ANKS1B: variants seen among roughly 807,000 people sequenced by gnomAD.
The protein encoded by ANKS1B is ankyrin repeat and sterile alpha motif domain-containing protein 1B.
ANKS1B carries 36 observed loss-of-function variants against 148.3 expected under a neutral mutation model. The ratio of observed to expected loss-of-function variants is 0.24; its 90% confidence interval spans 0.19 to 0.32. The LOEUF is 0.32. ANKS1B is among the 10% of genes least tolerant of loss of function. ANKS1B has a pLI of 1.00. For missense variants in ANKS1B, 1,157 were observed against 1,542.6 expected (o/e 0.75, Z 4.19); for synonymous variants, 542 against 560.8 (o/e 0.97, Z 0.47).
intron 12 of ANKS1B, among the ~76,000 whole-genome samples, chr12:99,264,655 T>G (rs1394299667): frequency 6.6e-6 from 1 of 152,154 alleles, no homozygotes; most frequent in Non-Finnish European, 1.5e-5. Context: ...AAAACGAGCC[T>G]TCTCTTTTGA....
At chr12:99,890,410 G>A (rs2093032651) in intron 1 of ANKS1B, among the ~76,000 whole-genome samples, 1 of 152,168 alleles carries the variant, frequency 6.6e-6, no homozygotes, top group Non-Finnish European at 1.5e-5. Context: ...TGGCTTTCCA[G>A]CCTGCCTGGC....
At chr12:99,103,571 TTAAA>T (rs1235712987) in intron 15 of ANKS1B, among the ~76,000 whole-genome samples, 4 of 152,218 alleles carry the variant, frequency 2.6e-5, no homozygotes, top group Non-Finnish European at 5.9e-5. Context: ...ATAAGCTAAT[TTAAA>T]TACTTCTTAA....
At chr12:99,182,107 T>C (rs1312845089) in intron 14 of ANKS1B, among the ~76,000 whole-genome samples, 1 of 152,114 alleles carries the variant, frequency 6.6e-6, no homozygotes, top group African/African-American at 2.4e-5. Flanking sequence ...TCAGGAAACT[T>C]ATAATCATGG....
At chr12:99,615,448 C>T (rs2097947707) in intron 9 of ANKS1B, among the ~76,000 whole-genome samples, 1 of 152,098 alleles carries the variant, frequency 6.6e-6, no homozygotes, top group Non-Finnish European at 1.5e-5. Flanking sequence ...GAATCTAGCC[C>T]TGTAGCTAAA....
At chr12:99,082,157 G>A (rs80074742) in intron 16 of ANKS1B, among the ~76,000 whole-genome samples, 9 of 152,266 alleles carry the variant, frequency 5.9e-5, no homozygotes, top group South Asian at 2.1e-4. Context: ...GAATAAGACA[G>A]TCAAGGTCCC....
intron 2 of ANKS1B, among the ~76,000 whole-genome samples, chr12:99,819,567 T>C (rs2082268024): frequency 6.6e-6 from 1 of 151,836 alleles, no homozygotes; most frequent in South Asian, 2.1e-4. Context: ...AAATATCTTA[T>C]GTGTATATAA....
chr12:99,471,142 T>C (rs2096235417), intron 10 of ANKS1B, among the ~76,000 whole-genome samples: 1 of 152,096 alleles, frequency 6.6e-6, no homozygotes, highest in Non-Finnish European at 1.5e-5. Context: ...TAAAGCATCT[T>C]TCCTCTTTTT....
intron 17 of ANKS1B, among the ~76,000 whole-genome samples, chr12:99,043,638 T>A (rs946491381): frequency 2.0e-5 from 3 of 152,220 alleles, no homozygotes; most frequent in African/African-American, 7.2e-5. Flanking sequence ...CAATTTAGCA[T>A]AATACATTTC....
At chr12:99,126,211 G>T (rs1034784185) in intron 15 of ANKS1B, among the ~76,000 whole-genome samples, 5 of 152,100 alleles carry the variant, frequency 3.3e-5, no homozygotes, top group Non-Finnish European at 7.4e-5. Context: ...GGCTGGTCTA[G>T]GTATCTGCTT....
intron 1 of ANKS1B, 55 bp downstream of exon 1, chr12:99,984,049 T>A: frequency 6.8e-7 from 1 of 1,473,796 alleles, no homozygotes; most frequent in East Asian, 2.3e-5. Context: ...AGGACGTATA[T>A]CCATCACAAT....
intron 17 of ANKS1B, among the ~76,000 whole-genome samples, chr12:98,870,835 T>C (rs2152378662): frequency 6.6e-6 from 1 of 152,348 alleles, no homozygotes; most frequent in East Asian, 1.9e-4. Flanking sequence ...TACCAGGCTC[T>C]GATGGTGCTT....
chr12:98,778,731 C>T (rs949691504), intron 24 of ANKS1B, among the ~76,000 whole-genome samples: 1 of 152,210 alleles, frequency 6.6e-6, no homozygotes, highest in African/African-American at 2.4e-5. Context: ...TCCTCCCACC[C>T]TGGCTGATGG....
chr12:99,103,105 G>A (rs1187549207), intron 15 of ANKS1B, among the ~76,000 whole-genome samples: 1 of 152,108 alleles, frequency 6.6e-6, no homozygotes, highest in Non-Finnish European at 1.5e-5. Context: ...GGCCTGGGGT[G>A]AGATAAAGGG....
intron 12 of ANKS1B, among the ~76,000 whole-genome samples, chr12:99,365,227 T>C (rs913194186): frequency 1.3e-5 from 2 of 152,120 alleles, no homozygotes; most frequent in Non-Finnish European, 2.9e-5. Context: ...CACACACCAG[T>C]GAGCATTAAC....
At chr12:99,153,775 A>G in intron 15 of ANKS1B, among the ~76,000 whole-genome samples, 1 of 152,276 alleles carries the variant, frequency 6.6e-6, no homozygotes, top group African/African-American at 2.4e-5. Flanking sequence ...TGACCATCTG[A>G]AGCAGTTTGC....
intron 1 of ANKS1B, among the ~76,000 whole-genome samples, chr12:99,973,365 A>G (rs2095584388): frequency 6.6e-6 from 1 of 152,222 alleles, no homozygotes; most frequent in Non-Finnish European, 1.5e-5. Context: ...GGATCACTTG[A>G]GCCCAGAAGT....
At chr12:98,867,677 C>A (rs553214304) in intron 17 of ANKS1B, among the ~76,000 whole-genome samples, 3,331 of 152,006 alleles carry the variant, frequency 0.022, 125 homozygotes, top group African/African-American at 0.075. Flanking sequence ...TGGCTTCATC[C>A]TGGTGAAACC....
At chr12:99,794,468 C>CACACACACACAA (rs2066003119) in intron 4 of ANKS1B, among the ~76,000 whole-genome samples, 1 of 151,240 alleles carries the variant, frequency 6.6e-6, no homozygotes, top group Admixed American at 6.6e-5. Context: ...GGTACACACA[C>CACACACACACAA]ACACACACAC....
intron 14 of ANKS1B, among the ~76,000 whole-genome samples, chr12:99,162,522 T>C (rs909332446): frequency 2.0e-5 from 3 of 152,166 alleles, no homozygotes; most frequent in Admixed American, 2.0e-4. Flanking sequence ...TTTTCTTGGT[T>C]ACCCCTTCCT....
Sources: allele counts gnomAD v4.1 joint callset (sites outside exome capture counted in the v4.1 genomes callset), GRCh38; gene constraint gnomAD v4.1.1; transcripts MANE v1.5; gene names NCBI Gene and HGNC (gene_info 2026-07-23, HGNC 2026-07-21).